The following FARS2 variants were observed in gnomAD, a reference collection of about 807,000 sequenced individuals.
FARS2 encodes phenylalanyl-tRNA synthetase 2, mitochondrial.
FARS2 carries 40 observed loss-of-function variants against 46.4 expected under a neutral mutation model. That is an observed-to-expected ratio of 0.86 (90% CI 0.67 to 1.12). The LOEUF is 1.12. FARS2 is among the 50% of genes most tolerant of loss of function. The pLI is 0.00. For missense variants in FARS2, 513 were observed against 567.9 expected (o/e 0.90, Z 0.98); for synonymous variants, 234 against 214.9 (o/e 1.09, Z -0.78).
intron 6 of FARS2, among the ~76,000 whole-genome samples, chr6:5,628,284 A>G (rs1430873543): frequency 6.6e-6 from 1 of 152,236 alleles, no homozygotes; most frequent in Non-Finnish European, 1.5e-5. Flanking sequence ...GGAAGGTAAC[A>G]TGAAAGGAAG....
chr6:5,560,024 T>A (rs1771898188), intron 5 of FARS2, among the ~76,000 whole-genome samples: 1 of 152,042 alleles, frequency 6.6e-6, no homozygotes, highest in Non-Finnish European at 1.5e-5. Context: ...GAAAAGCAAT[T>A]TATTAGCTTA....
chr6:5,266,979 A>T (rs1765587615), intron 1 of FARS2, among the ~76,000 whole-genome samples: 1 of 152,150 alleles, frequency 6.6e-6, no homozygotes, highest in Admixed American at 6.5e-5. Context: ...AGATATACTT[A>T]TGAAAATCTG....
chr6:5,424,444 G>C lies in FARS2; in HGVS notation c.773-6597G>C, dbSNP rs117700115. ...TGTGGGCCACATGCAGGAATCTTTG[G>C]TAGGAGTAAGAAAAGGACTGAGGGC... On this transcript the variant is annotated intron_variant, in intron 3 of 6. Coordinates refer to ENST00000274680, the MANE Select transcript of FARS2 (RefSeq NM_006567.5). Among the ~76,000 whole-genome samples, 98 of 152,292 alleles carry C rather than the reference G, an allele frequency of 6.4e-4. 4 individuals carry two copies. In the East Asian group the frequency reaches 0.018, roughly 28 times the overall value.
chr6:5,502,806 A>G (rs1319573856), intron 4 of FARS2, among the ~76,000 whole-genome samples: 1 of 152,208 alleles, frequency 6.6e-6, no homozygotes, highest in Admixed American at 6.5e-5. Context: ...TCAGTTAGCA[A>G]AAGAGCTTTA....
chr6:5,444,397 G>A (rs1764029717), intron 4 of FARS2, among the ~76,000 whole-genome samples: 2 of 148,572 alleles, frequency 1.3e-5, no homozygotes. Flanking sequence ...AATCCGGGAG[G>A]CAGAGGTTGC....
intron 4 of FARS2, among the ~76,000 whole-genome samples, chr6:5,541,634 G>A (rs1454716636): frequency 6.6e-6 from 1 of 151,898 alleles, no homozygotes; most frequent in Non-Finnish European, 1.5e-5. Flanking sequence ...TTTATTACTA[G>A]GTCATATTCT....
intron 3 of FARS2, among the ~76,000 whole-genome samples, chr6:5,407,576 A>C (rs1449654657): frequency 3.3e-5 from 5 of 152,112 alleles, no homozygotes; most frequent in Admixed American, 6.6e-5. Flanking sequence ...GAGGGGTGGA[A>C]ACCATGTTTC....
chr6:5,340,919 G>A (rs998771272), intron 1 of FARS2, among the ~76,000 whole-genome samples: 8 of 151,692 alleles, frequency 5.3e-5, no homozygotes, highest in Admixed American at 1.3e-4. Flanking sequence ...AGGCCGAGGC[G>A]GGCGGATCAC....
intron 1 of FARS2, among the ~76,000 whole-genome samples, chr6:5,295,802 G>A (rs1032934322): frequency 8.5e-5 from 13 of 152,258 alleles, no homozygotes; most frequent in South Asian, 4.1e-4. Context: ...AAATGAAGGC[G>A]TGTTTATTTA....
At chr6:5,610,229 G>A (rs1775095635) in intron 5 of FARS2, 3 of 517,330 alleles carry the variant, frequency 5.8e-6, no homozygotes, top group South Asian at 7.9e-5. Context: ...CTTTAATGAT[G>A]TTTTTTCAGC....
intron 4 of FARS2, among the ~76,000 whole-genome samples, chr6:5,540,202 T>C (rs1309269369): frequency 6.6e-6 from 1 of 152,234 alleles, no homozygotes; most frequent in African/African-American, 2.4e-5. Context: ...TTTCCATAAC[T>C]TTATGATAAT....
chr6:5,656,094 C>T (rs1050328651), intron 6 of FARS2, among the ~76,000 whole-genome samples: 5 of 152,218 alleles, frequency 3.3e-5, no homozygotes, highest in African/African-American at 1.2e-4. Flanking sequence ...ACCAGTATCG[C>T]CATTTTTCTT....
At position 5,352,489 on chromosome 6, in the gene FARS2, G is replaced by A. The variant is rs186270201; in HGVS notation, c.-21-16061G>A. The stretch of plus-strand genomic sequence containing the variant: ...GTGTGAAGGGAGATGCAGTGGGTGG[G>A]TCAGTAGAGAGCAGTAGGTGAGCAG... On this transcript the variant is annotated intron_variant, in intron 1 of 6. Transcript: ENST00000274680. Among the ~76,000 whole-genome samples, 13 of 152,098 alleles carry A rather than the reference G, an allele frequency of 8.5e-5. No individual in the cohort carries two copies. In the East Asian group the frequency reaches 2.5e-3, roughly 29 times the overall value.
At chr6:5,463,461 T>G (rs981031932) in intron 4 of FARS2, among the ~76,000 whole-genome samples, 1 of 152,200 alleles carries the variant, frequency 6.6e-6, no homozygotes, top group Non-Finnish European at 1.5e-5. Context: ...TTGTCATCTG[T>G]AAAAAAACTA....
intron 6 of FARS2, among the ~76,000 whole-genome samples, chr6:5,673,923 G>A (rs941332387): frequency 6.6e-6 from 1 of 152,064 alleles, no homozygotes; most frequent in Non-Finnish European, 1.5e-5. Flanking sequence ...TCTCTGGATG[G>A]TAGGTTTATG....
At position 5,405,049 on chromosome 6, in the gene FARS2, G is replaced by C. The variant is rs572663502; in HGVS notation, c.772+348G>C. ...CCTGGCCTCGTGATCCGCCCACCTC[G>C]GCCTCCCAAAGTGTTGGGATTACAG... On this transcript the variant is annotated intron_variant, in intron 3 of 6. Transcript: ENST00000274680. Among the ~76,000 whole-genome samples the C allele has an allele frequency of 1.0e-3, 153 of 151,932 alleles. 1 individual carries two copies. Among genetic ancestry groups the C allele is most frequent in the African/African-American group, 3.5e-3 (146 of 41,404 alleles).
rs147204303 is a variant in FARS2, at chr6:5,267,443, A to G, written c.-22+5783A>G. 6.3e-3 allele frequency among the ~76,000 whole-genome samples: 952 copies of G among 152,116 alleles called. 3 individuals carry two copies. The highest frequency in any genetic ancestry group is 0.012 in the Non-Finnish European group (812 of 67,986). On this transcript the variant is annotated intron_variant, in intron 1 of 6. Transcript: ENST00000274680. ...TAGAGTTTGTTTTCTCTCTTCTAGGAGCTTTGCCATGAAAAGAACAGTCCA... is the reference window on the plus strand; with the variant it reads ...TAGAGTTTGTTTTCTCTCTTCTAGGGGCTTTGCCATGAAAAGAACAGTCCA...
intron 6 of FARS2, among the ~76,000 whole-genome samples, chr6:5,648,306 C>T (rs1777176307): frequency 6.6e-6 from 1 of 152,238 alleles, no homozygotes; most frequent in South Asian, 2.1e-4. Context: ...GGGCTGGCGT[C>T]TTACGTGGAG....
At chr6:5,596,650 C>G (rs573077730) in intron 5 of FARS2, among the ~76,000 whole-genome samples, 1 of 152,260 alleles carries the variant, frequency 6.6e-6, no homozygotes, top group East Asian at 1.9e-4. Context: ...TTTCCAGATT[C>G]CAAATAGTTA....
Sources: gnomAD v4.1 joint callset for allele counts (sites outside exome capture counted in the v4.1 genomes callset) on GRCh38, gnomAD v4.1.1 for gene constraint, MANE v1.5 for transcripts, NCBI Gene and HGNC (gene_info 2026-07-23, HGNC 2026-07-21) for gene names.